The following GRIN2B variants were observed in gnomAD, a reference collection of about 807,000 sequenced individuals.
The protein encoded by GRIN2B is glutamate ionotropic receptor NMDA type subunit 2B, also known as glutamate receptor ionotropic, NMDA 2B.
A neutral mutation model predicts 114.5 loss-of-function variants in GRIN2B; 5 were observed. That is an observed-to-expected ratio of 0.04 (90% CI 0.02 to 0.09). The LOEUF (loss-of-function observed/expected upper bound fraction) is 0.09. Ranked by LOEUF, GRIN2B falls within the 10% of genes least tolerant of loss-of-function variation. The pLI is 1.00. For synonymous variants in GRIN2B, 787 were observed against 745.1 expected, an observed-to-expected ratio of 1.06 and a Z score of -0.92; for missense variants, 1,108 against 1,943.5, an observed-to-expected ratio of 0.57 and a Z score of 8.08.
intron 4 of GRIN2B, among the ~76,000 whole-genome samples, chr12:13,739,096 T>C (rs1863232283): frequency 6.6e-6 from 1 of 151,840 alleles, no homozygotes; most frequent in Admixed American, 6.6e-5. Context: ...AAAAGAAAAA[T>C]GTGGCTAGGT....
At chr12:13,979,267 T>C (rs1038114787) in intron 2 of GRIN2B, among the ~76,000 whole-genome samples, 1 of 152,198 alleles carries the variant, frequency 6.6e-6, no homozygotes, top group African/African-American at 2.4e-5. Context: ...TTAAGTCGTT[T>C]AACCTGCAGC....
At chr12:13,707,002 C>T (rs2136575412) in intron 4 of GRIN2B, among the ~76,000 whole-genome samples, 1 of 152,166 alleles carries the variant, frequency 6.6e-6, no homozygotes, top group African/African-American at 2.4e-5. Context: ...GTTTTCCAAC[C>T]CGTCACTTCT....
intron 2 of GRIN2B, among the ~76,000 whole-genome samples, chr12:13,932,158 A>G (rs1247023786): frequency 6.6e-6 from 1 of 152,120 alleles, no homozygotes; most frequent in Non-Finnish European, 1.5e-5. Flanking sequence ...CATTCCAATC[A>G]CATTGACTGT....
At chr12:13,727,999 A>G (rs1360938004) in intron 4 of GRIN2B, among the ~76,000 whole-genome samples, 2 of 152,194 alleles carry the variant, frequency 1.3e-5, no homozygotes, top group African/African-American at 4.8e-5. Context: ...AGTAAAGCTT[A>G]TGTAAAACTG....
chr12:13,974,265 C>T (rs1434984316), intron 2 of GRIN2B, among the ~76,000 whole-genome samples: 1 of 152,212 alleles, frequency 6.6e-6, no homozygotes, highest in Non-Finnish European at 1.5e-5. Context: ...GAGTTAGCTG[C>T]AATCCAGTGG....
intron 4 of GRIN2B, among the ~76,000 whole-genome samples, chr12:13,727,172 C>T (rs1863004497): frequency 6.6e-6 from 1 of 152,246 alleles, no homozygotes; most frequent in Non-Finnish European, 1.5e-5. Context: ...AACCCATTCC[C>T]TTCATTTTAT....
intron 2 of GRIN2B, among the ~76,000 whole-genome samples, chr12:13,971,505 G>A (rs949072198): frequency 1.2e-4 from 19 of 152,210 alleles, no homozygotes; most frequent in East Asian, 3.9e-4. Context: ...CCTCCTCTGC[G>A]TGCCTTTAAT....
intron 1 of GRIN2B, among the ~76,000 whole-genome samples, chr12:13,980,752 C>T (rs1863117964): frequency 1.3e-5 from 2 of 152,222 alleles, no homozygotes; most frequent in Non-Finnish European, 2.9e-5. Context: ...CCCCCAGCCC[C>T]ATCTGCATTG....
intron 3 of GRIN2B, among the ~76,000 whole-genome samples, chr12:13,779,638 T>G (rs1210556501): frequency 1.3e-5 from 2 of 152,224 alleles, no homozygotes; most frequent in Admixed American, 1.3e-4. Context: ...TATAAACCCT[T>G]TAATTCCTAG....
chr12:13,875,928 T>G (rs895364294), intron 2 of GRIN2B, among the ~76,000 whole-genome samples: 3 of 152,092 alleles, frequency 2.0e-5, no homozygotes, highest in Non-Finnish European at 4.4e-5. Context: ...GGATCCTATC[T>G]CCAAGCAGCC....
chr12:13,725,930 G>A (rs1248590427), intron 4 of GRIN2B, among the ~76,000 whole-genome samples: 1 of 152,054 alleles, frequency 6.6e-6, no homozygotes, highest in Non-Finnish European at 1.5e-5. Flanking sequence ...CCAGACTGGA[G>A]TTTCTTGCAG....
chr12:13,856,853 CA>C (rs776543853), intron 3 of GRIN2B, among the ~76,000 whole-genome samples: 8 of 152,258 alleles, frequency 5.3e-5, no homozygotes, highest in Non-Finnish European at 5.9e-5. Flanking sequence ...GCTACATGTC[CA>C]GCCCAAATCA....
intron 5 of GRIN2B, 144 bp from the exon 6 acceptor site, chr12:13,616,801 C>T: frequency 2.8e-6 from 2 of 714,372 alleles, no homozygotes; most frequent in South Asian, 3.0e-5. Flanking sequence ...GATAGGAATA[C>T]TTTTTAAATC....
At chr12:13,660,527 G>A (rs537221610) in intron 5 of GRIN2B, among the ~76,000 whole-genome samples, 7 of 152,248 alleles carry the variant, frequency 4.6e-5, no homozygotes, top group Admixed American at 4.6e-4. Context: ...CCTCCTTCTC[G>A]TGGACTTTGA....
chr12:13,734,666 T>G (rs1436077343), intron 4 of GRIN2B, among the ~76,000 whole-genome samples: 1 of 152,190 alleles, frequency 6.6e-6, no homozygotes, highest in Non-Finnish European at 1.5e-5. Context: ...AATCCTAGGG[T>G]GGATACCATA....
rs139736044 is a variant in GRIN2B at position 13,961,911 on chromosome 12, T to C, written c.-19+18017A>G. On this transcript the variant is annotated intron_variant, in intron 2 of 13. Transcript: ENST00000609686. The stretch of plus-strand genomic sequence containing the variant: ...GTGTGAGAGAGGTGGTGGGAGGGTC[T>C]GGAAGAGCAATTCTCAGACTTGGCT... 2.6e-4 allele frequency among the ~76,000 whole-genome samples: 40 copies of C among 152,206 alleles called. 1 individual carries two copies. In the East Asian group the frequency reaches 7.7e-3, roughly 29 times the overall value.
At chr12:13,816,359 T>C (rs1200494649) in intron 3 of GRIN2B, among the ~76,000 whole-genome samples, 5 of 152,252 alleles carry the variant, frequency 3.3e-5, no homozygotes, top group Admixed American at 6.5e-5. Context: ...CCCATCCTTC[T>C]GGAAAATGTC....
chr12:13,634,098 A>G (rs1027261547), intron 5 of GRIN2B: 7 of 152,326 alleles, frequency 4.6e-5, no homozygotes, highest in African/African-American at 1.7e-4. Context: ...TGATTTGGCC[A>G]TGTTCCTACT....
intron 3 of GRIN2B, among the ~76,000 whole-genome samples, chr12:13,766,116 C>G (rs1019920196): frequency 6.6e-6 from 1 of 152,230 alleles, no homozygotes; most frequent in Admixed American, 6.5e-5. Context: ...ATGCATACAA[C>G]TGATTCTTTG....
Sources: gnomAD v4.1 joint callset for allele counts (sites outside exome capture counted in the v4.1 genomes callset) on GRCh38, gnomAD v4.1.1 for gene constraint, MANE v1.5 for transcripts, NCBI Gene and HGNC (gene_info 2026-07-23, HGNC 2026-07-21) for gene names.